Variants in NOXA1 observed in about 807,000 individuals in gnomAD.
The protein encoded by NOXA1 is NADPH oxidase activator 1.
A neutral mutation model predicts 64.8 loss-of-function variants in NOXA1; 56 were observed. The ratio of observed to expected loss-of-function variants is 0.86; its 90% confidence interval spans 0.70 to 1.08. The LOEUF is 1.08. Ranked by LOEUF, NOXA1 falls within the 50% of genes least tolerant of loss-of-function variation. The pLI is 0.00. For synonymous variants in NOXA1, 295 were observed against 294.8 expected (o/e 1.00, Z -0.01); for missense variants, 668 against 658.5 (o/e 1.01, Z -0.16).
At chr9:137,432,267 A>T (rs1839136648) in intron 8 of NOXA1, among the ~76,000 whole-genome samples, 1 of 114,516 alleles carries the variant, frequency 8.7e-6, no homozygotes, top group African/African-American at 3.2e-5. Context: ...GCAAGACAGC[A>T]AGACCCTGTC....
chr9:137,434,374 A>G lies in NOXA1; in HGVS notation c.*14A>G, dbSNP rs764076358. 3.4e-5 allele frequency: 53 copies of G among 1,557,378 alleles called. No homozygotes were observed. In the Middle Eastern group the frequency reaches 6.8e-4, roughly 20 times the overall value. On this transcript the variant is annotated 3_prime_UTR_variant, in exon 14 of 14. Coordinates refer to ENST00000683555, the MANE Select transcript of NOXA1 (RefSeq NM_001256067.2). ...GATCAGCCCTAATGATGCTGTGTCCATGATGCTTTTAATAAAAACAACCCC... is the reference window on the plus strand; with the variant it reads ...GATCAGCCCTAATGATGCTGTGTCCGTGATGCTTTTAATAAAAACAACCCC...
At chr9:137,433,695 C>G in intron 11 of NOXA1, 55 bp from the exon 12 acceptor site, 1 of 1,492,716 alleles carries the variant, frequency 6.7e-7, no homozygotes, top group Admixed American at 2.2e-5. Flanking sequence ...GCAGAGGTCA[C>G]TGCCCTCCCT....
At chr9:137,432,509 G>A (rs1336827346) in intron 8 of NOXA1, among the ~76,000 whole-genome samples, 2 of 152,192 alleles carry the variant, frequency 1.3e-5, no homozygotes, top group Non-Finnish European at 2.9e-5. Flanking sequence ...GAACCCAGGA[G>A]GCGGAGCTTA....
In NOXA1 at chr9:137,423,689, C is replaced by T. The variant is rs1199557894; in HGVS notation, c.160C>T (p.Pro54Ser). ...AGCVHLLAGD[P>S]EAALRAFDQA... ...CTGCGTGCACCTGCTGGCCGGGGAC[C>T]CCGAGGCCGCGCTGCGGGTGAGCGG... Residue 54 changes from proline (P) to serine (S), a missense_variant, in exon 1 of 14, where the codon CCC (proline) becomes TCC (serine). Physicochemically the swap from Pro to Ser is moderately conservative, Grantham distance 74 (BLOSUM62 -1). Transcript: ENST00000683555. 1 of 1,333,796 alleles carries T rather than the reference C, an allele frequency of 7.5e-7. No homozygotes were observed. Among genetic ancestry groups the T allele is most frequent in the Non-Finnish European group, 9.6e-7 (1 of 1,042,920 alleles). 82.6% of individuals were successfully genotyped at this position (1,333,796 alleles called of 1,614,324 possible).
In NOXA1 at chr9:137,423,758, C is replaced by G. The variant is rs543008560; in HGVS notation, c.177+52C>G. On this transcript the variant is annotated intron_variant, in intron 1 of 13. Coordinates refer to ENST00000683555, the MANE Select transcript of NOXA1 (RefSeq NM_001256067.2). ...CGGGCGACGCCTCCGCCTCGAGCCC[C>G]TGGGGAGGGCCCAGCGCCCCTCCCC... is the stretch of plus-strand genomic sequence containing the variant. 102 of 1,207,182 alleles carry G rather than the reference C, an allele frequency of 8.4e-5. No homozygotes were observed. In the African/African-American group the frequency reaches 1.6e-3, roughly 18 times the overall value. The allele number at this position is 1,207,182 out of a possible 1,614,324, so 74.8% of individuals were successfully genotyped here.
At position 137,433,480 on chromosome 9, in the gene NOXA1, C is replaced by T. The variant is rs1338356594; in HGVS notation, c.937C>T (p.Leu313=). ...GGAGAGGSEP[L]VTVTVQCAFT... is the part of the protein sequence containing the mutation. ...AGCAGGTGCAGGGGGCTCCGAGCCCCTGGTGACTGTCACCGTGCAGTGCGC... is the reference window on the plus strand; with the variant it reads ...AGCAGGTGCAGGGGGCTCCGAGCCCTTGGTGACTGTCACCGTGCAGTGCGC... Residue 313 remains leucine (L), a synonymous_variant, in exon 11 of 14, where the codon CTG becomes TTG. Coordinates refer to ENST00000683555, the MANE Select transcript of NOXA1 (RefSeq NM_001256067.2). The T allele has an allele frequency of 1.2e-6, 2 of 1,603,764 alleles. No homozygotes were observed. The highest frequency in any genetic ancestry group is 1.7e-6 in the Non-Finnish European group (2 of 1,178,766).
At chr9:137,426,475 T>TGTGTC in intron 2 of NOXA1, 145 bp downstream of exon 2, 1 of 731,470 alleles carries the variant, frequency 1.4e-6, no homozygotes. Context: ...CAGGGAAACC[T>TGTGTC]GAGACTGTGG....
chr9:137,430,815 G>A lies in NOXA1; in HGVS notation c.644G>A (p.Gly215Asp), dbSNP rs1441289934. 1.3e-6 allele frequency: 2 copies of A among 1,594,100 alleles called. No homozygotes were observed. The highest frequency in any genetic ancestry group is 1.3e-5 in the African/African-American group (1 of 74,604). ...GCCTCTGCCATCCCCGACGACCAGG[G>A]CTGGGGCGTCCGCCCTCAGCAGCCA... Reference protein sequence around the residue: ...VVASAIPDDQGWGVRPQQPQG... With the variant: ...VVASAIPDDQDWGVRPQQPQG... The change falls in exon 6 of 14, where the codon GGC becomes GAC. Residue 215 changes from glycine to aspartate, a missense_variant. Gly to Asp is a moderately conservative substitution (Grantham distance 94). Transcript: ENST00000683555.
chr9:137,427,919 A>T, intron 2 of NOXA1, 114 bp from the exon 3 acceptor site: 1 of 686,128 alleles, frequency 1.5e-6, no homozygotes, highest in Non-Finnish European at 2.5e-6. Flanking sequence ...GCCCTCCCTC[A>T]GGTCTCCTTG....
chr9:137,434,164 C>T (rs1295037435), intron 13 of NOXA1, 60 bp from the exon 14 acceptor site: 9 of 1,581,270 alleles, frequency 5.7e-6, no homozygotes, highest in Admixed American at 1.7e-5. Flanking sequence ...TGTGAGCAGA[C>T]GTGGCACCCA....
At chr9:137,432,355 G>A (rs542264412) in intron 8 of NOXA1, among the ~76,000 whole-genome samples, 8 of 151,588 alleles carry the variant, frequency 5.3e-5, no homozygotes, top group South Asian at 4.2e-4. Flanking sequence ...CTAGGCAGGC[G>A]GATCACAAGA....
At position 137,433,274 on chromosome 9, in the gene NOXA1, C is replaced by T; in HGVS notation, c.909+11C>T. ...CCCGCGGGTGCTGGGGTAAGAGGCT[C>T]TAGACCCTTCACCTGTCAGTCACCT... On this transcript the variant is annotated intron_variant, in intron 10 of 13. Coordinates refer to ENST00000683555, the MANE Select transcript of NOXA1 (RefSeq NM_001256067.2). 1 of 1,563,616 alleles carries T rather than the reference C, an allele frequency of 6.4e-7. No homozygotes were observed. Among genetic ancestry groups the T allele is most frequent in the Non-Finnish European group, 8.6e-7 (1 of 1,156,804 alleles).
chr9:137,434,162 G>C (rs1019446014), intron 13 of NOXA1, 62 bp from the exon 14 acceptor site: 3 of 1,582,178 alleles, frequency 1.9e-6, no homozygotes, highest in African/African-American at 1.3e-5. Flanking sequence ...GCTGTGAGCA[G>C]ACGTGGCACC....
At chr9:137,429,185 C>T (rs1329421141) in intron 4 of NOXA1, 91 bp from the exon 5 acceptor site, 23 of 1,324,414 alleles carry the variant, frequency 1.7e-5, no homozygotes, top group Admixed American at 5.7e-5. Flanking sequence ...GGGGCCCAAG[C>T]GGCCCCTTCT....
chr9:137,432,819 T>A (rs578098296), intron 8 of NOXA1, among the ~76,000 whole-genome samples: 1 of 152,288 alleles, frequency 6.6e-6, no homozygotes, highest in East Asian at 1.9e-4. Context: ...CGCTCCCTCC[T>A]GGTGACAGGC....
chr9:137,425,105 G>A (rs750511115), intron 1 of NOXA1, among the ~76,000 whole-genome samples: 2 of 152,198 alleles, frequency 1.3e-5, no homozygotes, highest in Non-Finnish European at 2.9e-5. Flanking sequence ...TCAGGGCTGC[G>A]TGCCTGTGCT....
chr9:137,426,469 G>A, intron 2 of NOXA1, 139 bp downstream of exon 2: 1 of 723,714 alleles, frequency 1.4e-6, no homozygotes, highest in East Asian at 3.1e-5. Flanking sequence ...TGGCTCCAGG[G>A]AAACCTGAGA....
chr9:137,433,932 C>T (rs769397269), intron 12 of NOXA1, 33 bp from the exon 13 acceptor site: 57 of 1,522,106 alleles, frequency 3.7e-5, no homozygotes, highest in Middle Eastern at 1.7e-4. Context: ...TCCCAGTGCC[C>T]GGCCCGACCT....
intron 1 of NOXA1, among the ~76,000 whole-genome samples, chr9:137,424,075 C>T (rs991746421): frequency 2.6e-5 from 4 of 152,160 alleles, no homozygotes; most frequent in African/African-American, 9.7e-5. Flanking sequence ...GCCCACTCCC[C>T]GAAACAGCCA....
Sources: gnomAD v4.1 joint callset for allele counts (sites outside exome capture counted in the v4.1 genomes callset) on GRCh38, gnomAD v4.1.1 for gene constraint, MANE v1.5 for transcripts, NCBI Gene and HGNC (gene_info 2026-07-23, HGNC 2026-07-21) for gene names.